ADGRL3: variants seen among roughly 807,000 people sequenced by gnomAD.
The protein encoded by ADGRL3 is calcium-independent alpha-latrotoxin receptor 3.
In ADGRL3, 62 loss-of-function variants were observed where a neutral mutation model predicts 153.5. The ratio of observed to expected loss-of-function variants is 0.40; its 90% CI spans 0.33 to 0.50. The LOEUF is 0.50. Ranked by LOEUF, ADGRL3 falls within the 20% of genes least tolerant of loss-of-function variation. The pLI is 0.47. For missense variants in ADGRL3, 1,641 were observed against 1,859.4 expected (o/e 0.88, Z 2.16); for synonymous variants, 710 against 672.5 (o/e 1.06, Z -0.86).
chr4:61,467,384 G>A (rs184174885), intron 2 of ADGRL3, among the ~76,000 whole-genome samples: 6 of 151,940 alleles, frequency 3.9e-5, no homozygotes, highest in Non-Finnish European at 8.8e-5. Context: ...AAGTTTCAAT[G>A]CTTAATATAG....
chr4:61,313,359 C>T (rs2095084849), intron 1 of ADGRL3, among the ~76,000 whole-genome samples: 1 of 152,150 alleles, frequency 6.6e-6, no homozygotes, highest in East Asian at 1.9e-4. Flanking sequence ...ATGTACAACA[C>T]AAAGAGTGAG....
intron 5 of ADGRL3, among the ~76,000 whole-genome samples, chr4:61,593,472 T>C (rs2149428690): frequency 1.3e-5 from 2 of 152,254 alleles, no homozygotes; most frequent in Middle Eastern, 6.8e-3. Context: ...GCATTACCTG[T>C]CTGGTTTTGA....
chr4:61,639,027 A>G (rs1176712619), intron 5 of ADGRL3, among the ~76,000 whole-genome samples: 1 of 152,140 alleles, frequency 6.6e-6, no homozygotes, highest in Non-Finnish European at 1.5e-5. Context: ...TAAGCCAGTC[A>G]GACTGTACTC....
chr4:61,612,909 C>T (rs1157250408), intron 5 of ADGRL3, among the ~76,000 whole-genome samples: 1 of 151,930 alleles, frequency 6.6e-6, no homozygotes, highest in Non-Finnish European at 1.5e-5. Context: ...GAGCTACTGT[C>T]TACATAAGGG....
intron 21 of ADGRL3, among the ~76,000 whole-genome samples, chr4:62,014,839 C>A (rs2099204111): frequency 6.6e-6 from 1 of 152,178 alleles, no homozygotes; most frequent in South Asian, 2.1e-4. Context: ...TAACGTGTCA[C>A]CATACTCCAG....
intron 1 of ADGRL3, among the ~76,000 whole-genome samples, chr4:61,303,747 TTAG>T (rs1199647063): frequency 6.6e-6 from 1 of 152,152 alleles, no homozygotes; most frequent in Non-Finnish European, 1.5e-5. Flanking sequence ...TTCTCAAACA[TTAG>T]TGGTGAATTT....
intron 1 of ADGRL3, among the ~76,000 whole-genome samples, chr4:61,259,945 A>T (rs532713361): frequency 1.3e-5 from 2 of 152,332 alleles, no homozygotes; most frequent in African/African-American, 4.8e-5. Context: ...AAGTACTTGA[A>T]TCTAACACTA....
chr4:62,009,369 A>AT (rs1031736046), intron 21 of ADGRL3, among the ~76,000 whole-genome samples: 1 of 152,050 alleles, frequency 6.6e-6, no homozygotes, highest in Non-Finnish European at 1.5e-5. Flanking sequence ...ATACCTTATA[A>AT]TTTTTTATTT....
intron 1 of ADGRL3, among the ~76,000 whole-genome samples, chr4:61,229,882 C>G (rs1048428457): frequency 1.2e-5 from 1 of 80,554 alleles, no homozygotes; most frequent in Non-Finnish European, 2.5e-5. Context: ...GCCTGGATGA[C>G]AGAGTGAGAC....
chr4:62,026,556 A>G (rs1490820990), intron 21 of ADGRL3, among the ~76,000 whole-genome samples: 1 of 152,156 alleles, frequency 6.6e-6, no homozygotes, highest in Non-Finnish European at 1.5e-5. Context: ...TCATATTAAA[A>G]ATAAAAAATA....
intron 1 of ADGRL3, among the ~76,000 whole-genome samples, chr4:61,287,929 CG>C (rs1348524052): frequency 6.6e-6 from 1 of 151,860 alleles, no homozygotes; most frequent in Non-Finnish European, 1.5e-5. Flanking sequence ...ATGGGTTGAG[CG>C]GGCCTTAGCT....
chr4:61,544,269 C>T (rs1320558661), intron 4 of ADGRL3, among the ~76,000 whole-genome samples: 3 of 152,158 alleles, frequency 2.0e-5, no homozygotes, highest in Non-Finnish European at 2.9e-5. Context: ...TTTTTATATA[C>T]CTGAGAGACA....
At chr4:61,457,848 TGACA>T (rs763992198) in intron 2 of ADGRL3, among the ~76,000 whole-genome samples, 2 of 132,140 alleles carry the variant, frequency 1.5e-5, no homozygotes, top group Middle Eastern at 3.7e-3. Context: ...AAATCACAGA[TGACA>T]GATAGATAGA....
intron 21 of ADGRL3, among the ~76,000 whole-genome samples, chr4:61,998,705 A>G (rs1267534035): frequency 6.6e-6 from 1 of 151,768 alleles, no homozygotes; most frequent in Non-Finnish European, 1.5e-5. Context: ...CCTCCCGATT[A>G]GCTGAGACCA....
chr4:61,380,750 T>C (rs1039468729), intron 1 of ADGRL3, among the ~76,000 whole-genome samples: 7 of 151,980 alleles, frequency 4.6e-5, no homozygotes, highest in African/African-American at 1.4e-4. Flanking sequence ...TTATCCAAAA[T>C]AAATTACACT....
chr4:61,723,282 C>T (rs982225251), intron 6 of ADGRL3, among the ~76,000 whole-genome samples: 1 of 152,140 alleles, frequency 6.6e-6, no homozygotes, highest in Non-Finnish European at 1.5e-5. Flanking sequence ...TCCTTTATAG[C>T]ATGGTCATAA....
At chr4:61,361,354 TG>T (rs2096279330) in intron 1 of ADGRL3, among the ~76,000 whole-genome samples, 1 of 152,184 alleles carries the variant, frequency 6.6e-6, no homozygotes. Context: ...AGCTTTGATT[TG>T]TCTCAGATTG....
intron 25 of ADGRL3, among the ~76,000 whole-genome samples, chr4:62,048,385 C>T (rs919926028): frequency 6.6e-6 from 1 of 152,082 alleles, no homozygotes; most frequent in African/African-American, 2.4e-5. Flanking sequence ...GCCTCAGCCT[C>T]CTGAGTAGCT....
intron 1 of ADGRL3, among the ~76,000 whole-genome samples, chr4:61,366,139 T>TAA (rs36091543): frequency 6.6e-6 from 1 of 151,892 alleles, no homozygotes; most frequent in Admixed American, 6.6e-5. Flanking sequence ...ATATTTTCTT[T>TAA]AAAAAAAAGA....
Sources: allele counts gnomAD v4.1 joint callset (sites outside exome capture counted in the v4.1 genomes callset), GRCh38; gene constraint gnomAD v4.1.1; transcripts MANE v1.5; gene names NCBI Gene and HGNC (gene_info 2026-07-23, HGNC 2026-07-21).